Variants in MYH15 observed in about 807,000 individuals in gnomAD.
MYH15 encodes the protein myosin heavy chain 15.
Under a neutral mutation model 240.5 loss-of-function variants are expected in MYH15, and 227 were observed. The observed-to-expected ratio is 0.94, with a 90% CI of 0.85 to 1.05. MYH15 has a LOEUF of 1.05. Ranked by LOEUF, MYH15 falls within the 50% of genes least tolerant of loss-of-function variation. MYH15 has a pLI of 0.00. For missense variants in MYH15, 2,217 were observed against 2,247.5 expected (o/e 0.99, Z 0.27); for synonymous variants, 785 against 796.7 (o/e 0.99, Z 0.25).
At chr3:108,482,924 G>A (rs2083277836) in intron 11 of MYH15, among the ~76,000 whole-genome samples, 1 of 152,136 alleles carries the variant, frequency 6.6e-6, no homozygotes, top group Non-Finnish European at 1.5e-5. Flanking sequence ...GCCAGGCATG[G>A]TGTTTCAGGC....
intron 21 of MYH15, among the ~76,000 whole-genome samples, chr3:108,452,671 A>C (rs546188198): frequency 3.3e-5 from 5 of 152,334 alleles, no homozygotes; most frequent in African/African-American, 9.6e-5. Flanking sequence ...GTATGAAAAC[A>C]TACTTTTATA....
chr3:108,526,650 T>C (rs1297007037), intron 1 of MYH15, among the ~76,000 whole-genome samples: 1 of 152,200 alleles, frequency 6.6e-6, no homozygotes, highest in East Asian at 1.9e-4. Context: ...TTAAAAAGTA[T>C]AAATTAGAAT....
intron 1 of MYH15, among the ~76,000 whole-genome samples, chr3:108,521,434 T>C (rs1408250355): frequency 6.6e-6 from 1 of 151,448 alleles, no homozygotes; most frequent in Admixed American, 6.6e-5. Flanking sequence ...TTATAGGAAA[T>C]AGTTCATGCG....
Position 108,456,847 on chromosome 3 carries a change from C to G in MYH15, c.2057G>C (p.Arg686Pro). 4 of 1,613,034 alleles carry G rather than the reference C, an allele frequency of 2.5e-6. No homozygotes were observed. Among genetic ancestry groups the G allele is most frequent in the South Asian group, 1.1e-5 (1 of 90,996 alleles). The change falls in exon 19 of 41, where the codon CGC (arginine) becomes CCC (proline). Residue 686 changes from arginine (R) to proline (P), a missense_variant. By Grantham distance (103) the Arg-to-Pro change is moderately radical (BLOSUM62 -2). Transcript: ENST00000693548. ...AGTCCCTTCCAAGACACCATTACAG[C>G]GCAACTGCTGTAGAACCAAGTAAGG... is the stretch of plus-strand genomic sequence containing the variant. Reference protein sequence around the residue: ...LDPYLVLQQLRCNGVLEGTRI... With the variant: ...LDPYLVLQQLPCNGVLEGTRI...
At chr3:108,486,384 C>A in intron 10 of MYH15, 39 bp downstream of exon 10, 1 of 1,496,868 alleles carries the variant, frequency 6.7e-7, no homozygotes. Flanking sequence ...TTTCTCATTG[C>A]CATTACCAGA....
Position 108,381,568 on chromosome 3 carries a change from CAG to C in MYH15, c.5767-11_5767-10del, listed in dbSNP as rs1168260224. Reference sequence around the variant, plus strand: ...TGCTATTCTTCTTGAACCTGAAAAACAGAATGTCAGTGTGTTCTGTGAATTTC... The same window carrying C: ...TGCTATTCTTCTTGAACCTGAAAAACAATGTCAGTGTGTTCTGTGAATTTC... On this transcript the variant is annotated splice_polypyrimidine_tract_variant and intron_variant, in intron 40 of 40. Coordinates refer to ENST00000693548, the MANE Select transcript of MYH15 (RefSeq NM_014981.3). 6.2e-7 allele frequency: 1 copy of C among 1,613,642 alleles called. No individual in the cohort carries two copies. Among genetic ancestry groups the C allele is most frequent in the East Asian group, 2.2e-5 (1 of 44,876 alleles).
At position 108,444,742 on chromosome 3, in the gene MYH15, T is replaced by C; in HGVS notation, c.2553A>G (p.Leu851=). Residue 851 remains leucine (L), a synonymous_variant, in exon 22 of 41, where the codon TTA becomes TTG. Coordinates refer to ENST00000693548, the MANE Select transcript of MYH15 (RefSeq NM_014981.3). ...ACTCTGATTTCTCCAAGGCTTTCTG[T>C]AATTGTGCACACTCTTCCTTCAGTC... ...VAGLKEECAQ[L]QKALEKSEFQ... is the part of the protein sequence containing the mutation. 2.5e-6 allele frequency: 4 copies of C among 1,614,062 alleles called. No individual in the cohort carries two copies. Among genetic ancestry groups the C allele is most frequent in the Non-Finnish European group, 2.5e-6 (3 of 1,179,964 alleles).
At chr3:108,398,496 A>G in intron 35 of MYH15, 141 bp downstream of exon 35, 1 of 731,928 alleles carries the variant, frequency 1.4e-6, no homozygotes, top group Non-Finnish European at 2.3e-6. Flanking sequence ...GGAACAAATG[A>G]AGAGTATGAA....
At chr3:108,382,560 G>A (rs546289385) in intron 40 of MYH15, among the ~76,000 whole-genome samples, 2 of 152,148 alleles carry the variant, frequency 1.3e-5, no homozygotes, top group Non-Finnish European at 2.9e-5. Context: ...CAGATGGATC[G>A]GCTCAAAATT....
chr3:108,513,875 T>C (rs2083539289), upstream of MYH15, among the ~76,000 whole-genome samples: 1 of 152,216 alleles, frequency 6.6e-6, no homozygotes, highest in South Asian at 2.1e-4. Flanking sequence ...CATGACATAA[T>C]TCAGTTTGTA....
At chr3:108,506,090 C>T (rs2083473481) in intron 1 of MYH15, among the ~76,000 whole-genome samples, 2 of 151,980 alleles carry the variant, frequency 1.3e-5, no homozygotes, top group Non-Finnish European at 2.9e-5. Context: ...AGAAAGTTAC[C>T]TCCCAACACC....
At chr3:108,534,428 T>C in the MYH15 span, among the ~76,000 whole-genome samples, 5 of 152,188 alleles carry the variant, frequency 3.3e-5, no homozygotes, top group Non-Finnish European at 7.3e-5. Flanking sequence ...CTTTCATAAG[T>C]CGAAAAAGTG....
rs1576253951 is a variant in MYH15 at position 108,470,232 on chromosome 3, TAAG to T, written c.1384-23_1384-21del. 3 of 1,524,360 alleles carry T rather than the reference TAAG, an allele frequency of 2.0e-6. No individual in the cohort carries two copies. Among genetic ancestry groups the T allele is most frequent in the African/African-American group, 1.4e-5 (1 of 70,008 alleles). 94.4% of individuals were successfully genotyped at this position (1,524,360 alleles called of 1,614,324 possible). A position where few individuals can be genotyped will look rare whatever the true frequency, so the allele number is the denominator to read the frequency against. ...ATTATACTTCAAGGATATGAATAGGTAAGAAGAAGAGATAAAAATAAAATTGAG... is the reference window on the plus strand; with the variant it reads ...ATTATACTTCAAGGATATGAATAGGTAAGAAGAGATAAAAATAAAATTGAG... On this transcript the variant is annotated intron_variant, in intron 13 of 40. Coordinates refer to ENST00000693548, the MANE Select transcript of MYH15 (RefSeq NM_014981.3).
intron 11 of MYH15, 139 bp from the exon 12 acceptor site, chr3:108,476,654 A>C: frequency 1.9e-6 from 1 of 531,442 alleles, no homozygotes; most frequent in Non-Finnish European, 3.4e-6. Flanking sequence ...TGTAGTTTTC[A>C]AATAAATGCC....
chr3:108,408,271 T>C lies in MYH15; in HGVS notation c.4620+9A>G, dbSNP rs1052474073. 1 of 1,606,034 alleles carries C rather than the reference T, an allele frequency of 6.2e-7. No homozygotes were observed. Among genetic ancestry groups the C allele is most frequent in the Non-Finnish European group, 8.5e-7 (1 of 1,177,962 alleles). On this transcript the variant is annotated intron_variant, in intron 32 of 40. Transcript: ENST00000693548. ...AGTGAAAACTTTCTTTTCTCCCTGG[T>C]GATAATACCTCTGTTTCTTCCAGTG...
intron 11 of MYH15, among the ~76,000 whole-genome samples, chr3:108,480,861 T>C (rs1460515917): frequency 6.6e-6 from 1 of 152,206 alleles, no homozygotes; most frequent in Non-Finnish European, 1.5e-5. Flanking sequence ...AAGGCTAAGA[T>C]GCCCCTTTGG....
intron 35 of MYH15, among the ~76,000 whole-genome samples, chr3:108,398,432 G>A (rs1362333298): frequency 2.0e-5 from 3 of 152,176 alleles, no homozygotes; most frequent in South Asian, 2.1e-4. Context: ...GTTGCTTTAC[G>A]CCACCCTGTT....
chr3:108,541,140 A>C, the MYH15 span, among the ~76,000 whole-genome samples: 1 of 151,968 alleles, frequency 6.6e-6, no homozygotes, highest in Admixed American at 6.5e-5. Flanking sequence ...AAAAACCTAT[A>C]AACCTAACAT....
chr3:108,450,239 A>G (rs141837982), intron 21 of MYH15, among the ~76,000 whole-genome samples: 124 of 152,296 alleles, frequency 8.1e-4, no homozygotes, highest in Middle Eastern at 3.4e-3. Context: ...TTTTGAAGAC[A>G]TATCTGCACT....
Sources: allele counts gnomAD v4.1 joint callset (sites outside exome capture counted in the v4.1 genomes callset), GRCh38; gene constraint gnomAD v4.1.1; transcripts MANE v1.5; gene names NCBI Gene and HGNC (gene_info 2026-07-23, HGNC 2026-07-21).